The following NIPAL1 variants were observed in gnomAD, a reference collection of about 807,000 sequenced individuals.
NIPAL1 encodes the protein NIPA like domain containing 1.
In NIPAL1, 35 loss-of-function variants were observed where a neutral mutation model predicts 37.7. That is an observed-to-expected ratio of 0.93 (90% CI 0.71 to 1.23). NIPAL1 has a LOEUF of 1.23. Ranked by LOEUF, NIPAL1 falls within the 50% of genes most tolerant of loss-of-function variation. The pLI, the probability that NIPAL1 is intolerant of heterozygous loss-of-function variation, is 0.00. For synonymous variants in NIPAL1, 162 were observed against 183.0 expected, an observed-to-expected ratio of 0.89 and a Z score of 0.93; for missense variants, 412 against 473.9, an observed-to-expected ratio of 0.87 and a Z score of 1.21.
intron 3 of NIPAL1, among the ~76,000 whole-genome samples, chr4:48,032,482 TATAG>T (rs1156893451): frequency 1.4e-4 from 22 of 152,366 alleles, no homozygotes; most frequent in African/African-American, 5.3e-4. Flanking sequence ...GTTACTTGCT[TATAG>T]ATCACTTACA....
At position 48,028,994 on chromosome 4, in the gene NIPAL1, G is replaced by A. The variant is rs116047235; in HGVS notation, c.314-1126G>A. 8.2e-3 allele frequency among the ~76,000 whole-genome samples: 1,241 copies of A among 152,200 alleles called. 12 individuals carry two copies. Among genetic ancestry groups the A allele is most frequent in the African/African-American group, 0.028 (1,147 of 41,536 alleles). ...GGATGTAAATTAGTACAACCACTAC[G>A]GAAAACAATATGGAGATCTCTCAGA... On this transcript the variant is annotated intron_variant, in intron 2 of 5. Coordinates refer to ENST00000295461, the MANE Select transcript of NIPAL1 (RefSeq NM_207330.3).
chr4:48,035,453 C>T, intron 5 of NIPAL1, 109 bp from the exon 6 acceptor site: 1 of 1,004,886 alleles, frequency 1.0e-6, no homozygotes, highest in Middle Eastern at 2.9e-4. Context: ...TTTGATCTCA[C>T]TTCTATTTCT....
chr4:48,019,294 T>C (rs1205062110), intron 1 of NIPAL1, among the ~76,000 whole-genome samples: 1 of 152,226 alleles, frequency 6.6e-6, no homozygotes, highest in East Asian at 1.9e-4. Context: ...TTTACAGGCA[T>C]GAGCCATCCC....
rs1451540872 is a variant in NIPAL1, at chr4:48,033,163, A to G, written c.461+80A>G. ...CTTAAACCATAATAAACATATGGCT[A>G]TGGATATCTAAAAGCAAACACACAA... is the stretch of plus-strand genomic sequence containing the variant. On this transcript the variant is annotated intron_variant, in intron 4 of 5. Transcript: ENST00000295461. 1.9e-5 allele frequency: 16 copies of G among 854,106 alleles called. No homozygotes were observed. The East Asian group carries it at 2.6e-4, about 14-fold the overall frequency. The allele number at this position is 854,106 out of a possible 1,614,324, so 52.9% of individuals were successfully genotyped here.
At position 48,033,085 on chromosome 4, in the gene NIPAL1, T is replaced by C. The variant is rs761979393; in HGVS notation, c.461+2T>C. On this transcript the variant is annotated splice_donor_variant, in intron 4 of 5. Coordinates refer to ENST00000295461, the MANE Select transcript of NIPAL1 (RefSeq NM_207330.3). LOFTEE classifies it high-confidence loss of function. ...GGGTGCTTTGAGTGTTCTCATAAGGTATGTGAGCAACAGGGAACTTGGCTT... is the reference window on the plus strand; with the variant it reads ...GGGTGCTTTGAGTGTTCTCATAAGGCATGTGAGCAACAGGGAACTTGGCTT... 3 of 1,599,202 alleles carry C rather than the reference T, an allele frequency of 1.9e-6. No individual in the cohort carries two copies. The Admixed American group carries it at 5.0e-5, about 27-fold the overall frequency.
In NIPAL1 at chr4:48,035,758, TC is replaced by T; in HGVS notation, c.821del (p.Pro274ArgfsTer14). ...LIEWKPVYKH[P>X]LVFVLLAVLV... ...TAGAATGGAAGCCAGTTTACAAACATCCGCTGGTCTTTGTTTTGCTGGCTGT... is the reference window on the plus strand; with the variant it reads ...TAGAATGGAAGCCAGTTTACAAACATCGCTGGTCTTTGTTTTGCTGGCTGT... On this transcript the variant is annotated frameshift_variant, in exon 6 of 6. Coordinates refer to ENST00000295461, the MANE Select transcript of NIPAL1 (RefSeq NM_207330.3). LOFTEE classifies it high-confidence loss of function. The T allele has an allele frequency of 6.2e-7, 1 of 1,614,186 alleles. No homozygotes were observed. Among genetic ancestry groups the T allele is most frequent in the Non-Finnish European group, 8.5e-7 (1 of 1,179,990 alleles).
chr4:48,030,151 G>A lies in NIPAL1; in HGVS notation c.345G>A (p.Trp115Ter), dbSNP rs771802226. ...GQGGHSYLKE[W>*]LWWVGLLSMG... is the part of the protein sequence containing the mutation. ...GTGGACATTCTTACCTGAAGGAATG[G>A]CTCTGGTGGGTAGGATTGCTGTCAA... The change falls in exon 3 of 6, where the codon TGG becomes TGA. Residue 115 changes from tryptophan to a stop codon, truncating the protein, a stop_gained. Coordinates refer to ENST00000295461, the MANE Select transcript of NIPAL1 (RefSeq NM_207330.3). LOFTEE classifies it high-confidence loss of function. The A allele has an allele frequency of 6.2e-7, 1 of 1,604,064 alleles. No homozygotes were observed. Among genetic ancestry groups the A allele is most frequent in the South Asian group, 1.1e-5 (1 of 90,708 alleles).
chr4:48,034,596 A>G (rs1209996869), intron 4 of NIPAL1, among the ~76,000 whole-genome samples: 1 of 152,246 alleles, frequency 6.6e-6, no homozygotes, highest in African/African-American at 2.4e-5. Flanking sequence ...TTTACAGGAA[A>G]AGATGGGTAA....
chr4:48,035,423 C>A, intron 5 of NIPAL1, 139 bp from the exon 6 acceptor site: 1 of 762,744 alleles, frequency 1.3e-6, no homozygotes, highest in Non-Finnish European at 2.2e-6. Flanking sequence ...GAGAACTATG[C>A]AATAGAATGT....
chr4:48,025,148 C>A lies in NIPAL1; in HGVS notation c.127C>A (p.Pro43Thr), dbSNP rs144347229. 105 of 1,613,778 alleles carry A rather than the reference C, an allele frequency of 6.5e-5. No individual in the cohort carries two copies. The Middle Eastern group carries it at 8.2e-4, about 13-fold the overall frequency. The change falls in exon 2 of 6, where the codon CCT becomes ACT. Residue 43 changes from proline (P) to threonine (T), a missense_variant. Pro to Thr is a conservative substitution (Grantham distance 38). Transcript: ENST00000295461. ...ITNVSQLLASPVLYTDLNYSI... is the reference protein window; with the variant it reads ...ITNVSQLLASTVLYTDLNYSI... ...AAATGTGTCACAGCTGCTGGCTTCT[C>A]CTGTGCTCTACACGGACCTGAATTA...
chr4:48,024,742 C>G (rs1243123030), intron 1 of NIPAL1, among the ~76,000 whole-genome samples: 2 of 152,200 alleles, frequency 1.3e-5, no homozygotes, highest in Admixed American at 6.5e-5. Context: ...GTCTGAACAG[C>G]TATTCGCTGC....
In NIPAL1 at chr4:48,037,098, T is replaced by G. The variant is rs956264844; in HGVS notation, c.*926T>G. On this transcript the variant is annotated 3_prime_UTR_variant, in exon 6 of 6. Transcript: ENST00000295461. ...TTAAAAAAAAGCCTGCTTTATTTGT[T>G]AGTGGGCTAGAATACACAAGACATA... The G allele has an allele frequency of 6.2e-6, 1 of 160,732 alleles. No individual in the cohort carries two copies. Among genetic ancestry groups the G allele is most frequent in the Non-Finnish European group, 1.4e-5 (1 of 72,638 alleles). 10.0% of individuals were successfully genotyped at this position (160,732 alleles called of 1,614,324 possible). A position where few individuals can be genotyped will look rare whatever the true frequency, so the allele number is the denominator to read the frequency against.
chr4:48,019,510 C>T (rs1577621272), intron 1 of NIPAL1, among the ~76,000 whole-genome samples: 5 of 152,172 alleles, frequency 3.3e-5, no homozygotes, highest in Admixed American at 3.3e-4. Flanking sequence ...GCAGGAAAGG[C>T]CTCTCTGAGT....
In NIPAL1 at chr4:48,025,329, G is replaced by C. The variant is rs774039684; in HGVS notation, c.308G>C (p.Arg103Thr). Residue 103 changes from arginine to threonine, a missense_variant, in exon 2 of 6, where the codon AGA (arginine) becomes ACA (threonine). Physicochemically the swap from Arg to Thr is moderately conservative, Grantham distance 71. Coordinates refer to ENST00000295461, the MANE Select transcript of NIPAL1 (RefSeq NM_207330.3). ...CAACTGGCCAGCAAGGGCTTTACTA[G>C]AGCTGGTAAGAAACACATGCAACTA... Reference protein sequence around the residue: ...LLQLASKGFTRAGQGGHSYLK... With the variant: ...LLQLASKGFTTAGQGGHSYLK... 2 of 1,613,448 alleles carry C rather than the reference G, an allele frequency of 1.2e-6. No individual in the cohort carries two copies. The highest frequency in any genetic ancestry group is 3.3e-5 in the Admixed American group (2 of 59,842).
At chr4:48,034,816 T>C in intron 4 of NIPAL1, 65 bp from the exon 5 acceptor site, 1 of 1,274,828 alleles carries the variant, frequency 7.8e-7, no homozygotes. Context: ...GTGTGACTTC[T>C]GAGCTGCCAT....
chr4:48,035,678 G>A lies in NIPAL1; in HGVS notation c.739G>A (p.Gly247Arg). 6.2e-7 allele frequency: 1 copy of A among 1,613,982 alleles called. No homozygotes were observed. Among genetic ancestry groups the A allele is most frequent in the East Asian group, 2.2e-5 (1 of 44,884 alleles). The change falls in exon 6 of 6, where the codon GGA becomes AGA. Residue 247 changes from glycine (G) to arginine (R), a missense_variant. Physicochemically the swap from Gly to Arg is moderately radical, Grantham distance 125 (BLOSUM62 -2). Coordinates refer to ENST00000295461, the MANE Select transcript of NIPAL1 (RefSeq NM_207330.3). ...LVYISICSLI[G>R]AFSVSSVKGL... is the part of the protein sequence containing the mutation. Reference sequence around the variant, plus strand: ...TTATATTTCAATCTGTTCCTTGATTGGAGCGTTTTCAGTTTCTTCTGTGAA... The same window carrying A: ...TTATATTTCAATCTGTTCCTTGATTAGAGCGTTTTCAGTTTCTTCTGTGAA...
At chr4:48,033,817 A>T (rs572457186) in intron 4 of NIPAL1, among the ~76,000 whole-genome samples, 1 of 152,330 alleles carries the variant, frequency 6.6e-6, no homozygotes, top group South Asian at 2.1e-4. Flanking sequence ...AACCTCTAGT[A>T]TAAAACCTAT....
In NIPAL1 at chr4:48,036,933, A is replaced by G. The variant is rs1432674674; in HGVS notation, c.*761A>G. 1 of 154,106 alleles carries G rather than the reference A, an allele frequency of 6.5e-6. No homozygotes were observed. The highest frequency in any genetic ancestry group is 2.4e-5 in the African/African-American group (1 of 41,468). 9.5% of individuals were successfully genotyped at this position (154,106 alleles called of 1,614,324 possible). A position where few individuals can be genotyped will look rare whatever the true frequency, so the allele number is the denominator to read the frequency against. On this transcript the variant is annotated 3_prime_UTR_variant, in exon 6 of 6. Coordinates refer to ENST00000295461, the MANE Select transcript of NIPAL1 (RefSeq NM_207330.3). ...ACAAAGCAAGGCCCTGTCTCAAAAA[A>G]GAAGAAGAGAAAGGGCCAGGGGCTT...
chr4:48,025,087 C>G lies in NIPAL1; in HGVS notation c.66C>G (p.Val22=). The stretch of plus-strand genomic sequence containing the variant: ...TTCCAGGATATGTGCTGTCTCTGGT[C>G]TGTCCAAACTCCTCCCAGGCTTGGT... The part of the protein sequence containing the change: ...PCREGYVLSL[V]CPNSSQAWCE... The change falls in exon 2 of 6, where the codon GTC becomes GTG. Residue 22 remains valine, a synonymous_variant. Transcript: ENST00000295461. 1 of 1,613,956 alleles carries G rather than the reference C, an allele frequency of 6.2e-7. No homozygotes were observed. The highest frequency in any genetic ancestry group is 8.5e-7 in the Non-Finnish European group (1 of 1,179,810).
Sources: gnomAD v4.1 joint callset for allele counts (sites outside exome capture counted in the v4.1 genomes callset) on GRCh38, gnomAD v4.1.1 for gene constraint, MANE v1.5 for transcripts, NCBI Gene and HGNC (gene_info 2026-07-23, HGNC 2026-07-21) for gene names.